SOX5: variants seen among roughly 807,000 people sequenced by gnomAD.
The protein encoded by SOX5 is SRY-box transcription factor 5, also known as transcription factor SOX-5.
Under a neutral mutation model 92.0 loss-of-function variants are expected in SOX5, and 9 were observed. That is an observed-to-expected ratio of 0.10 (90% CI 0.06 to 0.17). SOX5 has a LOEUF of 0.17. Ranked by LOEUF, SOX5 falls within the 10% of genes least tolerant of loss-of-function variation. SOX5 has a pLI of 1.00. For synonymous variants in SOX5, 344 were observed against 336.3 expected, an observed-to-expected ratio of 1.02 and a Z score of -0.25; for missense variants, 642 against 944.5, an observed-to-expected ratio of 0.68 and a Z score of 4.20.
At chr12:23,647,199 G>A (rs1592915787) in intron 7 of SOX5, among the ~76,000 whole-genome samples, 2 of 152,180 alleles carry the variant, frequency 1.3e-5, no homozygotes, top group Admixed American at 6.5e-5. Flanking sequence ...CACCATCAGA[G>A]TTCTTGGGTG....
At chr12:23,914,779 T>G (rs960662572) in intron 1 of SOX5, among the ~76,000 whole-genome samples, 1 of 152,182 alleles carries the variant, frequency 6.6e-6, no homozygotes, top group Non-Finnish European at 1.5e-5. Context: ...TAATAAGTAA[T>G]GTACTTGAAA....
At chr12:24,223,536 T>C (rs1961045264) in intron 3 of SOX5, among the ~76,000 whole-genome samples, 2 of 152,294 alleles carry the variant, frequency 1.3e-5, no homozygotes, top group African/African-American at 2.4e-5. Flanking sequence ...GGAGGATTGC[T>C]TGAGGCCAGC....
At chr12:23,546,708 C>G (rs1213782195) in intron 11 of SOX5, among the ~76,000 whole-genome samples, 2 of 152,038 alleles carry the variant, frequency 1.3e-5, no homozygotes, top group African/African-American at 4.8e-5. Context: ...TCCCAAATTA[C>G]AAAATGTGCA....
rs115064045 is a variant in SOX5, at chr12:24,413,432, C to T, written c.-250-44793G>A. On this transcript the variant is annotated intron_variant, in intron 1 of 4. Transcript: ENST00000446891. ...TTTTCCATTTTTTTCTTTCAATCTG[C>T]CCACATTGTTACACAAGGCCACAGG... Among the ~76,000 whole-genome samples, 1,302 of 152,280 alleles carry T rather than the reference C, an allele frequency of 8.6e-3. 24 individuals are homozygous for T. The highest frequency in any genetic ancestry group is 0.029 in the African/African-American group (1,196 of 41,562).
rs1332919427 is a variant in SOX5 at position 23,530,674 on chromosome 12, A to C, written c.*3545T>G. 2 of 152,208 alleles carry C rather than the reference A, an allele frequency of 1.3e-5. No individual in the cohort carries two copies. The highest frequency in any genetic ancestry group is 4.8e-5 in the African/African-American group (2 of 41,460). The allele number at this position is 152,208 out of a possible 1,614,324, so 9.4% of individuals were successfully genotyped here. On this transcript the variant is annotated 3_prime_UTR_variant, in exon 15 of 15. Coordinates refer to ENST00000451604, the MANE Select transcript of SOX5 (RefSeq NM_006940.6). ...TTATTATTAGTAACTATAAATGAGTAACTTTATTTTCTCCGGTAATGTTCT... is the reference window on the plus strand; with the variant it reads ...TTATTATTAGTAACTATAAATGAGTCACTTTATTTTCTCCGGTAATGTTCT...
intron 4 of SOX5, among the ~76,000 whole-genome samples, chr12:24,202,243 T>C (rs1016663597): frequency 1.6e-4 from 25 of 152,130 alleles, no homozygotes; most frequent in African/African-American, 5.8e-4. Context: ...CTTCCTAGAG[T>C]CTATTGAAGT....
At chr12:23,849,962 A>G (rs1038107718) in intron 2 of SOX5, among the ~76,000 whole-genome samples, 1 of 152,142 alleles carries the variant, frequency 6.6e-6, no homozygotes, top group African/African-American at 2.4e-5. Context: ...AAAAGCTAGT[A>G]CAGAAGATCT....
intron 4 of SOX5, among the ~76,000 whole-genome samples, chr12:24,055,726 G>T (rs1170288317): frequency 3.3e-5 from 5 of 151,874 alleles, no homozygotes; most frequent in Admixed American, 1.3e-4. Flanking sequence ...TAGTTGCAAA[G>T]AATATTTTAA....
chr12:24,127,320 G>T (rs1001422833), intron 4 of SOX5, among the ~76,000 whole-genome samples: 3 of 151,476 alleles, frequency 2.0e-5, no homozygotes, highest in Non-Finnish European at 4.4e-5. Context: ...GAGCCCAGGA[G>T]GTGGGTTCAG....
At chr12:24,344,756 G>A (rs981786451) in intron 2 of SOX5, among the ~76,000 whole-genome samples, 1 of 152,182 alleles carries the variant, frequency 6.6e-6, no homozygotes, top group African/African-American at 2.4e-5. Context: ...GGTCAAAAAA[G>A]CTTCAGACAG....
intron 4 of SOX5, among the ~76,000 whole-genome samples, chr12:24,171,255 G>A (rs1363062267): frequency 3.5e-5 from 4 of 114,782 alleles, no homozygotes; most frequent in Admixed American, 2.4e-4. Flanking sequence ...ACAGAGTCTC[G>A]CTCTGTCACC....
chr12:23,659,945 G>A (rs1010213365), intron 7 of SOX5, among the ~76,000 whole-genome samples: 2 of 152,154 alleles, frequency 1.3e-5, no homozygotes, highest in Admixed American at 1.3e-4. Context: ...GGGTGACAGA[G>A]TGAGACTGCC....
intron 4 of SOX5, among the ~76,000 whole-genome samples, chr12:23,995,569 A>C (rs1014520409): frequency 6.6e-6 from 1 of 152,108 alleles, no homozygotes; most frequent in Non-Finnish European, 1.5e-5. Flanking sequence ...ATGGTGGCAC[A>C]TGTGTGTAGT....
intron 1 of SOX5, among the ~76,000 whole-genome samples, chr12:24,554,769 T>C (rs1953597665): frequency 6.6e-6 from 1 of 152,202 alleles, no homozygotes; most frequent in Non-Finnish European, 1.5e-5. Flanking sequence ...CCAGTCTGAC[T>C]GAGTCTAAAT....
chr12:24,354,481 G>C (rs1380948452), intron 2 of SOX5, among the ~76,000 whole-genome samples: 1 of 152,244 alleles, frequency 6.6e-6, no homozygotes, highest in African/African-American at 2.4e-5. Flanking sequence ...TTACGGAAGA[G>C]CTATGATCAG....
chr12:23,790,577 C>A (rs1295541676), intron 3 of SOX5, among the ~76,000 whole-genome samples: 1 of 151,422 alleles, frequency 6.6e-6, no homozygotes, highest in Non-Finnish European at 1.5e-5. Context: ...CACACACACA[C>A]ACGAAAGTTC....
intron 6 of SOX5, among the ~76,000 whole-genome samples, chr12:23,694,339 T>C (rs2089437200): frequency 2.0e-5 from 3 of 152,190 alleles, no homozygotes; most frequent in Admixed American, 1.3e-4. Flanking sequence ...AACTCATTTA[T>C]TGTCTCTATT....
chr12:24,399,806 A>G (rs1456749657), intron 1 of SOX5, among the ~76,000 whole-genome samples: 2 of 152,258 alleles, frequency 1.3e-5, no homozygotes, highest in African/African-American at 2.4e-5. Flanking sequence ...TCCCAGCAAC[A>G]TACAAATTGT....
chr12:24,222,144 A>AC (rs2139808710), intron 3 of SOX5, among the ~76,000 whole-genome samples: 1 of 152,294 alleles, frequency 6.6e-6, no homozygotes, highest in South Asian at 2.1e-4. Context: ...TTCTGAGTGG[A>AC]CAGCTCCTCT....
Sources: allele counts gnomAD v4.1 joint callset (sites outside exome capture counted in the v4.1 genomes callset), GRCh38; gene constraint gnomAD v4.1.1; transcripts MANE v1.5; gene names NCBI Gene and HGNC (gene_info 2026-07-23, HGNC 2026-07-21).